The following PCDHGA7 variants were observed in gnomAD, a reference collection of about 807,000 sequenced individuals.
PCDHGA7 encodes the protein protocadherin gamma-A7.
PCDHGA7 carries 44 observed loss-of-function variants against 58.3 expected under a neutral mutation model. That is an observed-to-expected ratio of 0.75 (90% confidence interval 0.59 to 0.97). The LOEUF is 0.97. Ranked by LOEUF, PCDHGA7 falls within the 50% of genes least tolerant of loss-of-function variation. The pLI, the probability that PCDHGA7 is intolerant of heterozygous loss-of-function variation, is 0.00. For missense variants in PCDHGA7, 1,266 were observed against 1,188.7 expected (o/e 1.06, Z -0.96); for synonymous variants, 516 against 504.2 (o/e 1.02, Z -0.31).
intron 1 of PCDHGA7, among the ~76,000 whole-genome samples, chr5:141,454,796 A>ATTTTTTTTTTTTTTTTTTTTTTTTTTT (rs61612330): frequency 3.9e-5 from 3 of 77,408 alleles, no homozygotes; most frequent in Admixed American, 1.8e-4. Flanking sequence ...CATGGTTCTA[A>ATTTTTTTTTTTTTTTTTTTTTTTTTTT]TTTTTTTTTT....
intron 1 of PCDHGA7, chr5:141,403,027 G>A: frequency 6.2e-7 from 1 of 1,614,070 alleles, no homozygotes; most frequent in East Asian, 2.2e-5. Context: ...TGCTATGGGA[G>A]GCCAGGGCCA....
intron 1 of PCDHGA7, chr5:141,408,732 A>AT: frequency 2.5e-6 from 4 of 1,610,016 alleles, no homozygotes; most frequent in Non-Finnish European, 3.4e-6. Context: ...TCTAATCCTT[A>AT]TTTTTCATTA....
chr5:141,395,197 T>C, intron 1 of PCDHGA7: 1 of 1,614,012 alleles, frequency 6.2e-7, no homozygotes, highest in Non-Finnish European at 8.5e-7. Context: ...TTAACATCCG[T>C]AGATTTTCAT....
Position 141,383,405 on chromosome 5 carries a change from G to A in PCDHGA7, c.506G>A (p.Ser169Asn), listed in dbSNP as rs189408749. 100 of 1,614,016 alleles carry A rather than the reference G, an allele frequency of 6.2e-5. No individual in the cohort carries two copies. In the Middle Eastern group the frequency reaches 9.9e-4, roughly 16 times the overall value. Reference protein sequence around the residue: ...DPDVGTNSLQSYQLSPNRHFS... With the variant: ...DPDVGTNSLQNYQLSPNRHFS... ...GATGTGGGCACGAACTCCCTCCAGA[G>A]TTACCAGCTCAGCCCCAATCGCCAC... Residue 169 changes from serine to asparagine, a missense_variant, in exon 1 of 4, where the codon AGT (serine) becomes AAT (asparagine). Ser to Asn is a conservative substitution (Grantham distance 46). Coordinates refer to ENST00000518325, the MANE Select transcript of PCDHGA7 (RefSeq NM_018920.4).
Position 141,485,294 on chromosome 5 carries a change from G to A in PCDHGA7, c.2425-9513G>A, listed in dbSNP as rs2099611126. Reference sequence around the variant, plus strand: ...CTACCCGGTCCCAGAGGAGTCACAGGAAGGGACTTTTGTAGGGAATGTCGC... The same window carrying A: ...CTACCCGGTCCCAGAGGAGTCACAGAAAGGGACTTTTGTAGGGAATGTCGC... On this transcript the variant is annotated intron_variant, in intron 1 of 3. Coordinates refer to ENST00000518325, the MANE Select transcript of PCDHGA7 (RefSeq NM_018920.4). The surrounding 1 kb of genome is among the most constrained non-coding windows in gnomAD (Gnocchi z 5.7). The A allele has an allele frequency of 6.2e-7, 1 of 1,614,044 alleles. No homozygotes were observed. Among genetic ancestry groups the A allele is most frequent in the Non-Finnish European group, 8.5e-7 (1 of 1,179,988 alleles).
intron 1 of PCDHGA7, among the ~76,000 whole-genome samples, chr5:141,405,902 G>A (rs777584362): frequency 2.6e-5 from 4 of 152,084 alleles, no homozygotes; most frequent in Non-Finnish European, 4.4e-5. Flanking sequence ...CTGAAAGGAG[G>A]CATTTATTAG....
In PCDHGA7 at chr5:141,477,279, C is replaced by T. The variant is rs2099408674; in HGVS notation, c.2425-17528C>T. ...GATGCTGGCGAGAACGGGCTGGTGA[C>T]CTGCGAAGTTCCACCGGGTCTCCCT... is the stretch of plus-strand genomic sequence containing the variant. On this transcript the variant is annotated intron_variant, in intron 1 of 3. Transcript: ENST00000518325. The surrounding 1 kb of genome is among the most constrained non-coding windows in gnomAD (Gnocchi z 4.9). 6.2e-7 allele frequency: 1 copy of T among 1,614,054 alleles called. No individual in the cohort carries two copies. Among genetic ancestry groups the T allele is most frequent in the Non-Finnish European group, 8.5e-7 (1 of 1,180,050 alleles).
chr5:141,426,768 G>A (rs2096959269), intron 1 of PCDHGA7: 1 of 456,516 alleles, frequency 2.2e-6, no homozygotes, highest in Non-Finnish European at 4.4e-6. Flanking sequence ...TGCAGATGTA[G>A]GGCCTCACTC....
chr5:141,420,337 A>G, intron 1 of PCDHGA7: 8 of 1,402,708 alleles, frequency 5.7e-6, no homozygotes, highest in Non-Finnish European at 7.6e-6. Flanking sequence ...ATTCCAATAT[A>G]GTGGTATTAT....
intron 1 of PCDHGA7, chr5:141,418,797 A>T (rs201246978): frequency 1.9e-6 from 3 of 1,613,896 alleles, no homozygotes; most frequent in Non-Finnish European, 2.5e-6. Flanking sequence ...GAAGAAGTAG[A>T]AAGATATACG....
intron 2 of PCDHGA7, among the ~76,000 whole-genome samples, chr5:141,496,054 G>A (rs180707408): frequency 6.6e-6 from 1 of 150,988 alleles, no homozygotes; most frequent in Admixed American, 6.6e-5. Context: ...TTTTGTGCTT[G>A]TGGGCAAGCC....
At chr5:141,472,046 A>T (rs945911971) in intron 1 of PCDHGA7, among the ~76,000 whole-genome samples, 4 of 152,210 alleles carry the variant, frequency 2.6e-5, no homozygotes, top group Non-Finnish European at 4.4e-5. Context: ...AAAAGATTTT[A>T]AAAATGATTG....
At chr5:141,404,224 AAC>A (rs1416261372) in intron 1 of PCDHGA7, 1 of 1,613,704 alleles carries the variant, frequency 6.2e-7, no homozygotes, top group Non-Finnish European at 8.5e-7. Flanking sequence ...CGGTGACTGC[AAC>A]AGACAGAGGA....
chr5:141,399,360 C>T, intron 1 of PCDHGA7: 1 of 1,613,978 alleles, frequency 6.2e-7, no homozygotes, highest in Non-Finnish European at 8.5e-7. Context: ...GAGAGCAAAC[C>T]CCGGAGTACA....
At chr5:141,509,481 A>G (rs2099877035) in intron 3 of PCDHGA7, among the ~76,000 whole-genome samples, 1 of 152,010 alleles carries the variant, frequency 6.6e-6, no homozygotes, top group Admixed American at 6.6e-5. Flanking sequence ...TGAGGGGTAG[A>G]GGTGATGGCA....
chr5:141,433,837 C>CAA (rs56191208), intron 1 of PCDHGA7, among the ~76,000 whole-genome samples: 9,379 of 111,452 alleles, frequency 0.084, 424 homozygotes, highest in African/African-American at 0.14. Flanking sequence ...AACTCTATCT[C>CAA]AAAAAAAAAA....
At chr5:141,417,635 G>A in intron 1 of PCDHGA7, 1 of 724,902 alleles carries the variant, frequency 1.4e-6, no homozygotes, top group Non-Finnish European at 2.1e-6. Context: ...CTGACGCCGG[G>A]GATCCCTCAG....
Position 141,511,579 on chromosome 5 carries a change from G to T in PCDHGA7, c.*406G>T. The T allele has an allele frequency of 3.6e-6, 1 of 280,798 alleles. No individual in the cohort carries two copies. Among genetic ancestry groups the T allele is most frequent in the South Asian group, 4.1e-5 (1 of 24,614 alleles). 17.4% of individuals were successfully genotyped at this position (280,798 alleles called of 1,614,324 possible). On this transcript the variant is annotated 3_prime_UTR_variant, in exon 4 of 4. Transcript: ENST00000518325. Reference sequence around the variant, plus strand: ...CCTCTTTCCCGAGTAAGGTGGTTGGGGTGTTGAAGTACCAAGTAACCTACA... The same window carrying T: ...CCTCTTTCCCGAGTAAGGTGGTTGGTGTGTTGAAGTACCAAGTAACCTACA...
chr5:141,478,337 T>C (rs766980546), intron 1 of PCDHGA7: 1 of 1,613,942 alleles, frequency 6.2e-7, no homozygotes, highest in Non-Finnish European at 8.5e-7. Context: ...ACCAGGGCCC[T>C]CCTTGCACGC....
Sources: gnomAD v4.1 joint callset for allele counts (sites outside exome capture counted in the v4.1 genomes callset) on GRCh38, gnomAD v4.1.1 for gene constraint, Gnocchi (gnomAD v3.1) non-coding constraint, MANE v1.5 for transcripts, NCBI Gene and HGNC (gene_info 2026-07-23, HGNC 2026-07-21) for gene names.